Variants in ZFHX3 observed in about 807,000 individuals in gnomAD.
The protein encoded by ZFHX3 is zinc finger homeobox protein 3.
In ZFHX3, 42 loss-of-function variants were observed where a neutral mutation model predicts 279.1. The observed-to-expected ratio is 0.15, with a 90% CI of 0.12 to 0.19. The LOEUF (loss-of-function observed/expected upper bound fraction) is 0.19. ZFHX3 is among the 10% of genes least tolerant of loss of function. The pLI is 1.00. For synonymous variants in ZFHX3, 2,293 were observed against 1,957.8 expected (o/e 1.17, Z -4.52); for missense variants, 4,981 against 4,754.0 (o/e 1.05, Z -1.40).
chr16:73,344,922 A>G (rs1197018981), intron 3 of ZFHX3, among the ~76,000 whole-genome samples: 1 of 152,216 alleles, frequency 6.6e-6, no homozygotes, highest in Non-Finnish European at 1.5e-5. Context: ...CAACTGCTAC[A>G]TCTCAGTTTT....
chr16:72,928,527 T>C (rs1305206815), intron 3 of ZFHX3, among the ~76,000 whole-genome samples: 7 of 152,126 alleles, frequency 4.6e-5, no homozygotes, highest in African/African-American at 1.7e-4. Context: ...GTGTTTATGA[T>C]AGGCCCCCAA....
At chr16:73,724,585 G>C (rs957001982) in intron 1 of ZFHX3, among the ~76,000 whole-genome samples, 9 of 152,150 alleles carry the variant, frequency 5.9e-5, no homozygotes, top group Admixed American at 5.9e-4. Flanking sequence ...GTACCCTTCT[G>C]AGAAACACAC....
Position 72,997,234 on chromosome 16 carries a change from C to T in ZFHX3, c.-49-37040G>A, listed in dbSNP as rs188205728. Among the ~76,000 whole-genome samples the T allele has an allele frequency of 1.5e-4, 23 of 152,256 alleles. 1 individual carries two copies. The Middle Eastern group carries it at 0.017, about 113-fold the overall frequency. On this transcript the variant is annotated intron_variant, in intron 1 of 9. Transcript: ENST00000268489. ...GTAAGATCTGTCTTGCATATCATGGCGGTCTCCATCCCACTGGAGAATTCA... is the reference window on the plus strand; with the variant it reads ...GTAAGATCTGTCTTGCATATCATGGTGGTCTCCATCCCACTGGAGAATTCA...
At chr16:73,682,762 G>A (rs769554689) in intron 1 of ZFHX3, among the ~76,000 whole-genome samples, 2 of 150,278 alleles carry the variant, frequency 1.3e-5, no homozygotes, top group Non-Finnish European at 2.9e-5. Context: ...ACTCCAGCCT[G>A]GGCAACAAGA....
At chr16:73,644,491 T>C (rs895712695) in intron 2 of ZFHX3, among the ~76,000 whole-genome samples, 2 of 151,884 alleles carry the variant, frequency 1.3e-5, no homozygotes, top group Non-Finnish European at 2.9e-5. Context: ...TGAAATCCCA[T>C]CTCTACTAAA....
chr16:73,779,261 T>C (rs1292205082), intron 1 of ZFHX3, among the ~76,000 whole-genome samples: 1 of 152,202 alleles, frequency 6.6e-6, no homozygotes, highest in East Asian at 1.9e-4. Flanking sequence ...ACCACCACAG[T>C]AAAATCAGTA....
chr16:73,529,163 C>T (rs937838035), intron 2 of ZFHX3, among the ~76,000 whole-genome samples: 3 of 152,134 alleles, frequency 2.0e-5, no homozygotes, highest in African/African-American at 4.8e-5. Context: ...ATTATCTGGA[C>T]GTTGGTCAGT....
chr16:72,878,706 G>A (rs1211320345), intron 4 of ZFHX3, among the ~76,000 whole-genome samples: 1 of 152,214 alleles, frequency 6.6e-6, no homozygotes, highest in Non-Finnish European at 1.5e-5. Context: ...CTTGTCCCGT[G>A]GATGAGTTTG....
chr16:73,499,500 A>T (rs550422423), intron 2 of ZFHX3: 1 of 152,312 alleles, frequency 6.6e-6, no homozygotes, highest in East Asian at 1.9e-4. Context: ...TTTCCAAGTC[A>T]CACATTTGGG....
In ZFHX3 at chr16:73,155,182, A is replaced by AAC. The variant is rs199957069; in HGVS notation, c.-1103-11352_-1103-11351insGT. Among the ~76,000 whole-genome samples, 110 of 145,004 alleles carry AAC rather than the reference A, an allele frequency of 7.6e-4. 1 individual carries two copies. Among genetic ancestry groups the AAC allele is most frequent in the East Asian group, 4.3e-3 (22 of 5,118 alleles). ...AGTGAGACTCTGTCTCAAAAAAACA[A>AAC]AAAAAAAAAAAACAAAAAAAAGGAA... is the stretch of plus-strand genomic sequence containing the variant. On this transcript the variant is annotated intron_variant, in intron 5 of 17. Transcript: ENST00000641206.
At chr16:72,952,298 C>G (rs944669827) in intron 2 of ZFHX3, among the ~76,000 whole-genome samples, 27 of 152,166 alleles carry the variant, frequency 1.8e-4, no homozygotes, top group Non-Finnish European at 3.2e-4. Context: ...TCACTGCTGC[C>G]CTCTGGTCAA....
At chr16:73,779,284 C>T (rs1027700160) in intron 1 of ZFHX3, among the ~76,000 whole-genome samples, 22 of 152,162 alleles carry the variant, frequency 1.4e-4, no homozygotes, top group African/African-American at 5.3e-4. Context: ...TACAATAATG[C>T]TATGTTGGAA....
At chr16:73,520,558 T>G (rs78595441) in intron 2 of ZFHX3, among the ~76,000 whole-genome samples, 9 of 152,176 alleles carry the variant, frequency 5.9e-5, no homozygotes, top group Non-Finnish European at 1.3e-4. Context: ...CTTCAAATTC[T>G]CCATCTGGCT....
chr16:73,083,377 T>G, intron 8 of ZFHX3: 1 of 152,202 alleles, frequency 6.6e-6, no homozygotes, highest in Non-Finnish European at 1.5e-5. Flanking sequence ...GGCTTTTCTC[T>G]CCATTATGGT....
intron 5 of ZFHX3, among the ~76,000 whole-genome samples, chr16:73,181,376 C>T (rs1399974944): frequency 6.6e-6 from 1 of 152,158 alleles, no homozygotes; most frequent in East Asian, 1.9e-4. Flanking sequence ...AGGCATGAGC[C>T]ACCATGCCCA....
intron 3 of ZFHX3, among the ~76,000 whole-genome samples, chr16:72,944,657 A>T (rs1419612871): frequency 6.6e-6 from 1 of 152,174 alleles, no homozygotes; most frequent in Admixed American, 6.5e-5. Flanking sequence ...ATTTTTCCAA[A>T]TTTTTTTACA....
intron 5 of ZFHX3, among the ~76,000 whole-genome samples, chr16:73,170,573 G>T (rs1406506789): frequency 6.6e-6 from 1 of 152,118 alleles, no homozygotes; most frequent in Non-Finnish European, 1.5e-5. Flanking sequence ...AATAGTTTGG[G>T]TGTTCACTGG....
intron 2 of ZFHX3, among the ~76,000 whole-genome samples, chr16:73,551,185 C>T (rs1050809487): frequency 5.3e-5 from 8 of 152,166 alleles, no homozygotes; most frequent in African/African-American, 1.9e-4. Flanking sequence ...CTAGTTTTAA[C>T]ACCTTGTCTG....
At chr16:72,962,452 T>C (rs924711157) in intron 1 of ZFHX3, among the ~76,000 whole-genome samples, 1 of 152,128 alleles carries the variant, frequency 6.6e-6, no homozygotes, top group Admixed American at 6.5e-5. Context: ...GACCCTGTGG[T>C]GGTGACACTA....
Sources: allele counts gnomAD v4.1 joint callset (sites outside exome capture counted in the v4.1 genomes callset), GRCh38; gene constraint gnomAD v4.1.1; transcripts MANE v1.5; gene names NCBI Gene and HGNC (gene_info 2026-07-23, HGNC 2026-07-21).